The following MACROD2 variants were observed in gnomAD, a reference collection of about 807,000 sequenced individuals.
The protein encoded by MACROD2 is mono-ADP ribosylhydrolase 2.
Under a neutral mutation model 70.4 loss-of-function variants are expected in MACROD2, and 36 were observed. That is an observed-to-expected ratio of 0.51 (90% CI 0.39 to 0.68). The LOEUF (loss-of-function observed/expected upper bound fraction) is 0.68. Ranked by LOEUF, MACROD2 falls within the 30% of genes least tolerant of loss-of-function variation. The probability of loss-of-function intolerance (pLI) is 0.00; values close to 1 mark genes in which losing one functional copy is unlikely to be tolerated. For missense variants in MACROD2, 496 were observed against 538.4 expected (o/e 0.92, Z 0.78); for synonymous variants, 172 against 178.8 (o/e 0.96, Z 0.30).
intron 8 of MACROD2, among the ~76,000 whole-genome samples, chr20:15,760,180 G>A (rs554803878): frequency 1.4e-4 from 21 of 152,184 alleles, no homozygotes; most frequent in African/African-American, 4.3e-4. Context: ...TTGAATCATC[G>A]TGAGGAGTGT....
intron 2 of MACROD2, among the ~76,000 whole-genome samples, chr20:14,073,016 A>G (rs181566178): frequency 1.7e-3 from 260 of 152,204 alleles, no homozygotes; most frequent in Non-Finnish European, 3.0e-3. Flanking sequence ...AAAAATGTCT[A>G]TGAGAGGGAA....
At chr20:14,979,176 T>C (rs572094156) in intron 5 of MACROD2, among the ~76,000 whole-genome samples, 1 of 151,448 alleles carries the variant, frequency 6.6e-6, no homozygotes. Flanking sequence ...CTCAGGCTAG[T>C]CTCAAATTCC....
chr20:15,706,540 G>T (rs190756540), intron 8 of MACROD2, among the ~76,000 whole-genome samples: 222 of 152,280 alleles, frequency 1.5e-3, no homozygotes, highest in Non-Finnish European at 2.4e-3. Context: ...TATGAAAAAT[G>T]AAGGAACATA....
At chr20:15,072,923 C>A (rs1234769956) in intron 5 of MACROD2, among the ~76,000 whole-genome samples, 1 of 152,064 alleles carries the variant, frequency 6.6e-6, no homozygotes, top group East Asian at 1.9e-4. Flanking sequence ...CATGGGGGCA[C>A]CATCCTCATG....
At chr20:14,709,895 C>T (rs116641535) in intron 5 of MACROD2, among the ~76,000 whole-genome samples, 2,225 of 152,274 alleles carry the variant, frequency 0.015, 60 homozygotes, top group African/African-American at 0.05. Context: ...AGCAATTCCA[C>T]ATGTTCATCA....
At chr20:15,623,758 CCTATCTATCTATGTGT>C (rs1464478822) in intron 8 of MACROD2, among the ~76,000 whole-genome samples, 1 of 151,674 alleles carries the variant, frequency 6.6e-6, no homozygotes, top group Non-Finnish European at 1.5e-5. Flanking sequence ...CATCTATCTG[CCTATCTATCTATGTGT>C]CTATCTATCA....
intron 4 of MACROD2, among the ~76,000 whole-genome samples, chr20:14,673,229 G>C (rs1467469028): frequency 1.3e-5 from 2 of 152,182 alleles, no homozygotes; most frequent in African/African-American, 2.4e-5. Context: ...TAAATTTAGA[G>C]AGGCTCTTTT....
At chr20:14,893,809 G>A (rs2073793136) in intron 5 of MACROD2, 1 of 151,966 alleles carries the variant, frequency 6.6e-6, no homozygotes, top group African/African-American at 2.4e-5. Context: ...TTTTAAGACA[G>A]AGCCTCGCTC....
chr20:15,126,111 CTT>C (rs5840654), intron 5 of MACROD2, among the ~76,000 whole-genome samples: 1,354 of 98,828 alleles, frequency 0.014, 4 homozygotes, highest in East Asian at 0.038. Flanking sequence ...ATTGTTTCAA[CTT>C]TTTTTTTTTT....
chr20:15,938,402 CTT>C (rs1402786685), intron 12 of MACROD2, among the ~76,000 whole-genome samples: 1 of 152,186 alleles, frequency 6.6e-6, no homozygotes, highest in African/African-American at 2.4e-5. Flanking sequence ...CTGTGTCACA[CTT>C]TGATAATTCT....
At chr20:15,317,621 T>G (rs1459229422) in intron 6 of MACROD2, among the ~76,000 whole-genome samples, 1 of 151,832 alleles carries the variant, frequency 6.6e-6, no homozygotes, top group Non-Finnish European at 1.5e-5. Context: ...CCAAAAAAGT[T>G]GAGAATATAA....
intron 3 of MACROD2, among the ~76,000 whole-genome samples, chr20:14,243,741 A>G (rs1016910091): frequency 6.6e-6 from 1 of 152,238 alleles, no homozygotes; most frequent in Non-Finnish European, 1.5e-5. Flanking sequence ...TGAACAACAT[A>G]TGATAGAAAG....
intron 4 of MACROD2, among the ~76,000 whole-genome samples, chr20:14,502,602 G>C (rs1250536333): frequency 1.3e-5 from 2 of 152,156 alleles, no homozygotes; most frequent in African/African-American, 4.8e-5. Flanking sequence ...ACTACAAAGT[G>C]TTAGATAAAT....
At chr20:15,691,492 A>G (rs765311452) in intron 8 of MACROD2, among the ~76,000 whole-genome samples, 1 of 152,212 alleles carries the variant, frequency 6.6e-6, no homozygotes, top group Non-Finnish European at 1.5e-5. Context: ...GGAGGAAGCC[A>G]TCAATGACTA....
intron 10 of MACROD2, among the ~76,000 whole-genome samples, chr20:15,894,728 T>C (rs1394898666): frequency 6.6e-6 from 1 of 152,200 alleles, no homozygotes; most frequent in Non-Finnish European, 1.5e-5. Flanking sequence ...GCTGTTGTTA[T>C]CAATATGATG....
At chr20:14,775,478 G>A (rs1474601632) in intron 5 of MACROD2, among the ~76,000 whole-genome samples, 2 of 151,920 alleles carry the variant, frequency 1.3e-5, no homozygotes, top group Non-Finnish European at 2.9e-5. Flanking sequence ...AGAAAGAGAG[G>A]GAGTACCATA....
chr20:14,409,442 T>C (rs2083726121), intron 3 of MACROD2, among the ~76,000 whole-genome samples: 1 of 151,708 alleles, frequency 6.6e-6, no homozygotes, highest in Non-Finnish European at 1.5e-5. Context: ...TTATTATTAT[T>C]ATTATTCCCT....
At chr20:15,707,774 G>A (rs1043105450) in intron 8 of MACROD2, among the ~76,000 whole-genome samples, 9 of 151,570 alleles carry the variant, frequency 5.9e-5, no homozygotes, top group African/African-American at 1.9e-4. Flanking sequence ...AACAGAGTGA[G>A]ACTCTGTCTC....
intron 4 of MACROD2, chr20:14,628,491 C>A (rs1984315131): frequency 6.6e-6 from 1 of 152,152 alleles, no homozygotes; most frequent in Non-Finnish European, 1.5e-5. Flanking sequence ...GTTGAAGATA[C>A]CCTGTTTGGA....
Sources: gnomAD v4.1 joint callset for allele counts (sites outside exome capture counted in the v4.1 genomes callset) on GRCh38, gnomAD v4.1.1 for gene constraint, MANE v1.5 for transcripts, NCBI Gene and HGNC (gene_info 2026-07-23, HGNC 2026-07-21) for gene names.